COCH: variants seen among roughly 807,000 people sequenced by gnomAD.
COCH encodes the protein cochlin.
Under a neutral mutation model 54.8 loss-of-function variants are expected in COCH, and 40 were observed. The ratio of observed to expected loss-of-function variants is 0.73; its 90% CI spans 0.57 to 0.95. COCH has a LOEUF of 0.95. Among genes scored for constraint, COCH ranks in the 40% least tolerant of loss-of-function variants. The pLI is 0.00. For missense variants in COCH, 605 were observed against 675.0 expected, an observed-to-expected ratio of 0.90 and a Z score of 1.15; for synonymous variants, 256 against 237.9, an observed-to-expected ratio of 1.08 and a Z score of -0.70.
intron 3 of COCH, chr14:30,875,372 C>G (rs544741461): frequency 5.0e-6 from 3 of 605,530 alleles, no homozygotes; most frequent in Admixed American, 5.9e-5. Context: ...CCAGGCCCAC[C>G]CACAGCCCCA....
intron 8 of COCH, among the ~76,000 whole-genome samples, chr14:30,882,284 T>C (rs1395406711): frequency 6.6e-5 from 10 of 151,682 alleles, no homozygotes; most frequent in African/African-American, 2.4e-4. Flanking sequence ...TGTGCACTAC[T>C]ACGCCTGGCT....
In COCH at chr14:30,890,168, T is replaced by C. The variant is rs1895934392; in HGVS notation, c.*377T>C. ...ACATTCGTTCTCTAACCATTCTGTA[T>C]TGATTATATAAGCAAAATGAAAAGA... On this transcript the variant is annotated 3_prime_UTR_variant, in exon 12 of 12. Coordinates refer to ENST00000396618, the MANE Select transcript of COCH (RefSeq NM_004086.3). The C allele has an allele frequency of 1.0e-6, 1 of 997,096 alleles. No individual in the cohort carries two copies. Among genetic ancestry groups the C allele is most frequent in the Non-Finnish European group, 1.2e-6 (1 of 836,500 alleles). 61.8% of individuals were successfully genotyped at this position (997,096 alleles called of 1,614,324 possible). A position where few individuals can be genotyped will look rare whatever the true frequency, so the allele number is the denominator to read the frequency against.
downstream of COCH, among the ~76,000 whole-genome samples, chr14:30,893,296 G>C (rs146788725): frequency 7.1e-4 from 107 of 151,518 alleles, 3 homozygotes; most frequent in East Asian, 0.016. Context: ...ATAGGCACCC[G>C]CCACCACGCC....
chr14:30,878,233 G>T (rs1284256079), intron 4 of COCH, among the ~76,000 whole-genome samples: 1 of 152,194 alleles, frequency 6.6e-6, no homozygotes, highest in African/African-American at 2.4e-5. Flanking sequence ...TAGGAAAATT[G>T]TTTGGTGCTC....
chr14:30,889,207 G>A (rs1262265243), intron 11 of COCH: 4 of 222,052 alleles, frequency 1.8e-5, no homozygotes, highest in Non-Finnish European at 3.6e-5. Context: ...CCAGTATACT[G>A]TTTGATGCAG....
In COCH at chr14:30,875,627, T is replaced by G. The variant is rs17097440; in HGVS notation, c.82+524T>G. Reference sequence around the variant, plus strand: ...TAATCAGAAGCACTCGCGGTCTCACTCTACACGCTAGAGAGTTTAAAAAGT... The same window carrying G: ...TAATCAGAAGCACTCGCGGTCTCACGCTACACGCTAGAGAGTTTAAAAAGT... On this transcript the variant is annotated intron_variant, in intron 3 of 11. Transcript: ENST00000396618. 3.4e-3 allele frequency: 1,036 copies of G among 306,212 alleles called. 7 individuals are homozygous for G. Among genetic ancestry groups the G allele is most frequent in the African/African-American group, 0.018 (826 of 45,986 alleles). The allele number at this position is 306,212 out of a possible 1,614,324, so 19.0% of individuals were successfully genotyped here.
rs757456469 is a variant in COCH, at chr14:30,885,559, C to A, written c.899C>A (p.Ser300Tyr). The change falls in exon 10 of 12, where the codon TCT becomes TAT. Residue 300 changes from serine (S) to tyrosine (Y), a missense_variant. Transcript: ENST00000396618. Reference protein sequence around the residue: ...REFGVNVFIVSVAKPIPEELG... With the variant: ...REFGVNVFIVYVAKPIPEELG... ...TTTGGTGTCAATGTATTTATAGTTTCTGTGGCCAAGCCTATCCCTGAAGAA... is the reference window on the plus strand; with the variant it reads ...TTTGGTGTCAATGTATTTATAGTTTATGTGGCCAAGCCTATCCCTGAAGAA... 6.2e-7 allele frequency: 1 copy of A among 1,613,378 alleles called. No homozygotes were observed. Among genetic ancestry groups the A allele is most frequent in the Non-Finnish European group, 8.5e-7 (1 of 1,179,330 alleles).
chr14:30,892,044 TGA>T (rs1323820061), downstream of COCH, among the ~76,000 whole-genome samples: 3 of 152,124 alleles, frequency 2.0e-5, no homozygotes, highest in Non-Finnish European at 4.4e-5. Flanking sequence ...CAACATGAAA[TGA>T]GAGGCAGAAT....
chr14:30,875,165 G>A, intron 3 of COCH, 62 bp downstream of exon 3: 1 of 1,539,142 alleles, frequency 6.5e-7, no homozygotes, highest in Admixed American at 2.0e-5. Flanking sequence ...GCGGGTACAA[G>A]CGGGACTCAG....
downstream of COCH, chr14:30,890,639 G>C (rs1895949979): frequency 1.1e-6 from 1 of 929,678 alleles, no homozygotes; most frequent in Non-Finnish European, 1.3e-6. Flanking sequence ...TTTTATTACT[G>C]CTAGTGTCTC....
chr14:30,888,239 T>C (rs1285095093), intron 11 of COCH, among the ~76,000 whole-genome samples: 1 of 151,946 alleles, frequency 6.6e-6, no homozygotes, highest in Non-Finnish European at 1.5e-5. Context: ...AAAAAATATT[T>C]TGACTTTTTT....
downstream of COCH, chr14:30,893,824 T>G (rs1172787949): frequency 6.6e-6 from 1 of 152,556 alleles, no homozygotes; most frequent in African/African-American, 2.4e-5. Flanking sequence ...AGTTTAATTA[T>G]GGAGAATAAA....
In COCH at chr14:30,881,802, CAA is replaced by C. The variant is rs74318936; in HGVS notation, c.629+1079_629+1080del. Among the ~76,000 whole-genome samples the C allele has an allele frequency of 7.6e-5, 11 of 144,738 alleles. No homozygotes were observed. The South Asian group carries it at 1.1e-3, about 14-fold the overall frequency. The allele number at this position is 144,738 out of a possible 152,430, so 95.0% of individuals were successfully genotyped here. A position where few individuals can be genotyped will look rare whatever the true frequency, so the allele number is the denominator to read the frequency against. ...GGAAACCCCGTCTCTACTAAAAATACAAAAAAAAAAAATTAGCCGGGCGTGGT... is the reference window on the plus strand; with the variant it reads ...GGAAACCCCGTCTCTACTAAAAATACAAAAAAAAAATTAGCCGGGCGTGGT... On this transcript the variant is annotated intron_variant, in intron 8 of 11. Transcript: ENST00000396618.
rs138248389 is a variant in COCH, at chr14:30,885,885, G to A, written c.1050G>A (p.Leu350=). The change falls in exon 11 of 12, where the codon CTG becomes CTA. Residue 350 remains leucine (L), a synonymous_variant. Transcript: ENST00000396618. The stretch of plus-strand genomic sequence containing the variant: ...ACGTAAAGCCTCTGGTACAGAAGCT[G>A]TGCACTCATGAACAAATGATGTGCA... ...TKYVKPLVQK[L]CTHEQMMCSK... is the part of the protein sequence containing the mutation. 1.2e-6 allele frequency: 2 copies of A among 1,614,092 alleles called. No individual in the cohort carries two copies. Among genetic ancestry groups the A allele is most frequent in the Non-Finnish European group, 8.5e-7 (1 of 1,179,922 alleles).
At chr14:30,894,770 T>C (rs1896082480), downstream of COCH, 1 of 219,050 alleles carries the variant, frequency 4.6e-6, no homozygotes, top group Non-Finnish European at 8.8e-6. Flanking sequence ...CAGAAAAACT[T>C]CAATACAATC....
intron 9 of COCH, 102 bp from the exon 10 acceptor site, chr14:30,885,290 CTA>C: frequency 9.3e-7 from 1 of 1,072,876 alleles, no homozygotes; most frequent in African/African-American, 1.6e-5. Context: ...ACTGCCAGTT[CTA>C]TATATAATTC....
In COCH at chr14:30,884,568, A is replaced by T; in HGVS notation, c.645A>T (p.Ile215=). The change falls in exon 9 of 12, where the codon ATA becomes ATT. Residue 215 remains isoleucine, a synonymous_variant. Transcript: ENST00000396618. ...TTCCACTCAGTGAACATCCCAAAAT[A>T]GAATTTTACTTGAAAAACTTTACAT... The part of the protein sequence containing the change: ...GLVQASEHPK[I]EFYLKNFTSA... The T allele has an allele frequency of 1.9e-6, 3 of 1,612,512 alleles. No individual in the cohort carries two copies. Among genetic ancestry groups the T allele is most frequent in the Non-Finnish European group, 2.5e-6 (3 of 1,178,634 alleles).
intron 9 of COCH, 96 bp downstream of exon 9, chr14:30,884,752 T>G (rs1895723782): frequency 7.8e-7 from 1 of 1,287,302 alleles, no homozygotes; most frequent in South Asian, 1.3e-5. Context: ...TGAGCAGATG[T>G]GAAATCCTCC....
At position 30,889,892 on chromosome 14, in the gene COCH, CAA is replaced by C; in HGVS notation, c.*104_*105del. On this transcript the variant is annotated 3_prime_UTR_variant, in exon 12 of 12. Transcript: ENST00000396618. ...TGCTTTAGCATACTAGAATCAGATA[CAA>C]AACTATTAAGTATGTCAACAGCCAT... 6.8e-7 allele frequency: 1 copy of C among 1,475,460 alleles called. No individual in the cohort carries two copies. Among genetic ancestry groups the C allele is most frequent in the South Asian group, 1.4e-5 (1 of 69,930 alleles). The allele number at this position is 1,475,460 out of a possible 1,614,324, so 91.4% of individuals were successfully genotyped here.
Sources: allele counts gnomAD v4.1 joint callset (sites outside exome capture counted in the v4.1 genomes callset), GRCh38; gene constraint gnomAD v4.1.1; transcripts MANE v1.5; gene names NCBI Gene and HGNC (gene_info 2026-07-23, HGNC 2026-07-21).